Variants in OLFM1 observed in about 807,000 individuals in gnomAD.
OLFM1 encodes olfactomedin 1.
A neutral mutation model predicts 49.7 loss-of-function variants in OLFM1; 9 were observed. The ratio of observed to expected loss-of-function variants is 0.18; its 90% CI spans 0.11 to 0.32. The LOEUF is 0.32. OLFM1 is among the 10% of genes least tolerant of loss of function. The pLI is 1.00. For synonymous variants in OLFM1, 240 were observed against 271.8 expected (o/e 0.88, Z 1.15); for missense variants, 369 against 661.8 (o/e 0.56, Z 4.85).
rs1830631565 is a variant in OLFM1 at position 135,088,395 on chromosome 9, T to C, written c.150+256T>C. Among the ~76,000 whole-genome samples the C allele has an allele frequency of 6.6e-6, 1 of 150,530 alleles. No individual in the cohort carries two copies. Among genetic ancestry groups the C allele is most frequent in the African/African-American group, 2.5e-5 (1 of 40,812 alleles). On this transcript the variant is annotated intron_variant, in intron 1 of 5. Coordinates refer to ENST00000371793, the MANE Select transcript of OLFM1 (RefSeq NM_001282611.2). This position sits in a 1 kb window ranked among gnomAD's most constrained non-coding sequence, Gnocchi z 4.8. ...GCGGCGTTTCCTTCGTCTGGGCCCC[T>C]CGCCGCGGGGCCGGGGGAGCTTGGT...
At chr9:135,090,435 A>C in intron 2 of OLFM1, 91 bp downstream of exon 2, 3 of 1,358,108 alleles carry the variant, frequency 2.2e-6, no homozygotes, top group Non-Finnish European at 3.0e-6. Context: ...CACCAGCACC[A>C]AGGCTTGGCT....
At chr9:135,116,034 C>T (rs73664055) in intron 5 of OLFM1, among the ~76,000 whole-genome samples, 23,047 of 152,154 alleles carry the variant, frequency 0.15, 2,013 homozygotes, top group African/African-American at 0.23. Flanking sequence ...CCCTAAAAGC[C>T]GGTACTGTAT....
At chr9:135,116,141 A>T (rs1465408508) in intron 5 of OLFM1, among the ~76,000 whole-genome samples, 1 of 152,210 alleles carries the variant, frequency 6.6e-6, no homozygotes, top group Non-Finnish European at 1.5e-5. Context: ...GGCCTTTCAG[A>T]TGAGAACATT....
chr9:135,083,868 C>A (rs897262186), upstream of OLFM1, among the ~76,000 whole-genome samples: 1 of 152,330 alleles, frequency 6.6e-6, no homozygotes, highest in African/African-American at 2.4e-5. Context: ...TGGCCCTTAG[C>A]CGTTCTCCCT....
intron 4 of OLFM1, among the ~76,000 whole-genome samples, chr9:135,100,428 G>C (rs1830854830): frequency 6.6e-6 from 1 of 152,214 alleles, no homozygotes; most frequent in South Asian, 2.1e-4. Context: ...TGGGAGTAAA[G>C]AGAGAGGGTT....
intron 5 of OLFM1, among the ~76,000 whole-genome samples, chr9:135,107,557 CAGCAT>C: frequency 6.6e-6 from 1 of 152,226 alleles, no homozygotes; most frequent in Non-Finnish European, 1.5e-5. Context: ...TGTATACAGG[CAGCAT>C]GGGCTTGTAG....
intron 5 of OLFM1, among the ~76,000 whole-genome samples, chr9:135,110,643 C>T (rs1453105481): frequency 6.6e-6 from 1 of 152,198 alleles, no homozygotes; most frequent in African/African-American, 2.4e-5. Context: ...AACGCCCCTT[C>T]CAGTCACTTC....
rs1416303317 is a variant in OLFM1, at chr9:135,098,209, A to G, written c.457-77A>G. On this transcript the variant is annotated intron_variant, in intron 3 of 5. Coordinates refer to ENST00000371793, the MANE Select transcript of OLFM1 (RefSeq NM_001282611.2). The surrounding 1 kb of genome is among the most constrained non-coding windows in gnomAD (Gnocchi z 5.6). The stretch of plus-strand genomic sequence containing the variant: ...GGAATATACACACTTTCCCTCACCT[A>G]GGGAGAAGCCAGGCCAAGGCAGGGT... 2 of 1,555,534 alleles carry G rather than the reference A, an allele frequency of 1.3e-6. No individual in the cohort carries two copies. The highest frequency in any genetic ancestry group is 1.8e-6 in the Non-Finnish European group (2 of 1,141,770).
intron 5 of OLFM1, among the ~76,000 whole-genome samples, chr9:135,111,650 C>T (rs561036505): frequency 1.2e-4 from 19 of 152,220 alleles, no homozygotes; most frequent in African/African-American, 3.6e-4. Context: ...CACAGAGGTT[C>T]GGAGCTGCTC....
At chr9:135,086,737 G>A (rs886970437), upstream of OLFM1, 3 of 455,374 alleles carry the variant, frequency 6.6e-6, no homozygotes, top group East Asian at 6.9e-5. Flanking sequence ...GTCCTGCTGC[G>A]GTCGCCGCAG....
chr9:135,108,628 G>A (rs1275849536), intron 5 of OLFM1, among the ~76,000 whole-genome samples: 1 of 150,474 alleles, frequency 6.6e-6, no homozygotes, highest in African/African-American at 2.5e-5. Context: ...GCGAGGCTCT[G>A]TCTCAAAAAA....
chr9:135,089,580 G>A (rs547206323), intron 1 of OLFM1, among the ~76,000 whole-genome samples: 29 of 152,380 alleles, frequency 1.9e-4, no homozygotes, highest in African/African-American at 6.0e-4. Flanking sequence ...CCCACAAGGA[G>A]CTGGAAACCT....
exon 1 of OLFM1, chr9:135,075,573 G>A (rs1830451671): frequency 5.4e-6 from 2 of 369,734 alleles, no homozygotes; most frequent in South Asian, 4.1e-5. Flanking sequence ...CCCGCGCGCC[G>A]CCCGCTCCGG....
At chr9:135,108,576 T>C (rs1243151467) in intron 5 of OLFM1, among the ~76,000 whole-genome samples, 1 of 151,060 alleles carries the variant, frequency 6.6e-6, no homozygotes, top group Non-Finnish European at 1.5e-5. Context: ...GAGGTTGCAG[T>C]GAGCCGAGAT....
intron 4 of OLFM1, among the ~76,000 whole-genome samples, chr9:135,103,413 C>A (rs1445555825): frequency 1.3e-5 from 2 of 152,258 alleles, no homozygotes; most frequent in African/African-American, 2.4e-5. Context: ...CCCAAGGGCC[C>A]TGGGAGCTGT....
chr9:135,076,475 A>G (rs923231650), intron 1 of OLFM1: 4 of 1,387,078 alleles, frequency 2.9e-6, no homozygotes, highest in Non-Finnish European at 3.8e-6. Flanking sequence ...CAATGTATCA[A>G]TAGAGAAAGG....
chr9:135,096,203 CT>C (rs1830794012), intron 3 of OLFM1, among the ~76,000 whole-genome samples, 184 bp downstream of exon 3: 1 of 20,940 alleles, frequency 4.8e-5, no homozygotes, highest in African/African-American at 2.2e-4. Flanking sequence ...CCTCCTCCCC[CT>C]CTTCATCCTC....
chr9:135,089,710 G>C (rs1019838218), intron 1 of OLFM1, among the ~76,000 whole-genome samples: 1 of 152,172 alleles, frequency 6.6e-6, no homozygotes, highest in Non-Finnish European at 1.5e-5. Flanking sequence ...TGGGTGCTTC[G>C]TCTGCAAGTG....
chr9:135,113,920 C>T lies in OLFM1; in HGVS notation c.784-5584C>T, dbSNP rs189081261. Among the ~76,000 whole-genome samples, 368 of 152,262 alleles carry T rather than the reference C, an allele frequency of 2.4e-3. 2 individuals carry two copies. The highest frequency in any genetic ancestry group is 4.2e-3 in the Non-Finnish European group (283 of 68,006). On this transcript the variant is annotated intron_variant, in intron 5 of 5. Transcript: ENST00000371793. This position sits in a 1 kb window ranked among gnomAD's most constrained non-coding sequence, Gnocchi z 4.0. ...CCAGACCAGGGCGCCTGCAGGGCTG[C>T]GCTCTGAAGATGCCAGGGGAGGACC...
Sources: gnomAD v4.1 joint callset for allele counts (sites outside exome capture counted in the v4.1 genomes callset) on GRCh38, gnomAD v4.1.1 for gene constraint, Gnocchi (gnomAD v3.1) non-coding constraint, MANE v1.5 for transcripts, NCBI Gene and HGNC (gene_info 2026-07-23, HGNC 2026-07-21) for gene names.